Variants in C14orf39 observed in about 807,000 individuals in gnomAD.
C14orf39 encodes the protein chromosome 14 open reading frame 39, also known as protein SIX6OS1.
In C14orf39, 66 loss-of-function variants were observed where a neutral mutation model predicts 85.6. The observed-to-expected ratio is 0.77, with a 90% CI of 0.63 to 0.95. The LOEUF (loss-of-function observed/expected upper bound fraction) is 0.95. Among genes scored for constraint, C14orf39 ranks in the 40% least tolerant of loss-of-function variants. The pLI, the probability that C14orf39 is intolerant of heterozygous loss-of-function variation, is 0.00. For synonymous variants in C14orf39, 242 were observed against 214.0 expected (o/e 1.13, Z -1.14); for missense variants, 735 against 663.9 (o/e 1.11, Z -1.18).
At chr14:60,444,467 T>C (rs1890668906) in intron 16 of C14orf39, among the ~76,000 whole-genome samples, 1 of 151,996 alleles carries the variant, frequency 6.6e-6, no homozygotes, top group South Asian at 2.1e-4. Flanking sequence ...AAGATCAAAT[T>C]AATGAAATAA....
Position 60,455,590 on chromosome 14 carries a change from C to T in C14orf39, c.1359-445G>A, listed in dbSNP as rs183539459. Reference sequence around the variant, plus strand: ...AGTGTTGATGAGAAGCCAGCCATTACAGTGATGTATAAGGAAGTTAAATTA... The same window carrying T: ...AGTGTTGATGAGAAGCCAGCCATTATAGTGATGTATAAGGAAGTTAAATTA... On this transcript the variant is annotated intron_variant, in intron 15 of 17. Transcript: ENST00000321731. Among the ~76,000 whole-genome samples, 38 of 152,086 alleles carry T rather than the reference C, an allele frequency of 2.5e-4. 1 individual carries two copies. Among genetic ancestry groups the T allele is most frequent in the Admixed American group, 2.2e-3 (34 of 15,240 alleles).
intron 1 of C14orf39, among the ~76,000 whole-genome samples, chr14:60,504,499 A>C (rs1893181433): frequency 6.6e-6 from 1 of 152,254 alleles, no homozygotes. Flanking sequence ...GAAAATTGTC[A>C]AAAATAACCT....
chr14:60,461,529 G>A lies in C14orf39; in HGVS notation c.1037C>T (p.Ser346Leu). Residue 346 changes from serine to leucine, a missense_variant, in exon 12 of 18, where the codon TCA becomes TTA. Transcript: ENST00000321731. The stretch of plus-strand genomic sequence containing the variant: ...TTACCTGACTTGCATAAACTTTTGT[G>A]AACTTGTGATAGTCGTAATATGTGA... Reference protein sequence around the residue: ...KCSHITTITSSQKFMQVRLLT... With the variant: ...KCSHITTITSLQKFMQVRLLT... The A allele has an allele frequency of 6.3e-7, 1 of 1,591,888 alleles. No individual in the cohort carries two copies. Among genetic ancestry groups the A allele is most frequent in the South Asian group, 1.2e-5 (1 of 86,136 alleles).
At chr14:60,509,585 CA>C in intron 1 of C14orf39, 1 of 1,613,230 alleles carries the variant, frequency 6.2e-7, no homozygotes, top group Non-Finnish European at 8.5e-7. Flanking sequence ...CGTGGCCTTT[CA>C]CGGTGGCAAC....
intron 5 of C14orf39, among the ~76,000 whole-genome samples, chr14:60,473,654 T>C (rs1376787523): frequency 6.6e-6 from 1 of 152,212 alleles, no homozygotes; most frequent in Non-Finnish European, 1.5e-5. Flanking sequence ...ATTTATTAAA[T>C]AGGGAATCCT....
At chr14:60,459,017 T>C (rs1891402313) in intron 13 of C14orf39, among the ~76,000 whole-genome samples, 1 of 151,798 alleles carries the variant, frequency 6.6e-6, no homozygotes, top group Admixed American at 6.6e-5. Context: ...CATGTCTTGC[T>C]CCTCAGAGGT....
intron 17 of C14orf39, among the ~76,000 whole-genome samples, chr14:60,440,668 A>G (rs1890467560): frequency 6.6e-6 from 1 of 152,142 alleles, no homozygotes; most frequent in Non-Finnish European, 1.5e-5. Context: ...AAAACCTTCC[A>G]GAGGTTTCCC....
intron 16 of C14orf39, among the ~76,000 whole-genome samples, chr14:60,452,851 A>G (rs1891100601): frequency 6.6e-6 from 1 of 152,178 alleles, no homozygotes; most frequent in African/African-American, 2.4e-5. Context: ...TCTTTGATCT[A>G]TGGCCTACAT....
chr14:60,479,459 T>TG (rs1267337917), intron 4 of C14orf39, among the ~76,000 whole-genome samples: 1 of 152,188 alleles, frequency 6.6e-6, no homozygotes, highest in Non-Finnish European at 1.5e-5. Flanking sequence ...ACCTGGGTGA[T>TG]GGGATCAGTT....
chr14:60,499,776 A>G (rs1893113799), intron 1 of C14orf39, among the ~76,000 whole-genome samples: 1 of 152,244 alleles, frequency 6.6e-6, no homozygotes, highest in Admixed American at 6.5e-5. Context: ...GCAATACACG[A>G]CAAGAAAAAA....
At chr14:60,490,472 T>C (rs1049678577), upstream of C14orf39, among the ~76,000 whole-genome samples, 2 of 149,558 alleles carry the variant, frequency 1.3e-5, no homozygotes, top group Non-Finnish European at 3.0e-5. Flanking sequence ...AATAAATAAA[T>C]AAATAAATAA....
rs746977921 is a variant in C14orf39, at chr14:60,457,012, C to A, written c.1263G>T (p.Thr421=). Residue 421 remains threonine (T), a synonymous_variant, in exon 15 of 18, where the codon ACG becomes ACT. Coordinates refer to ENST00000321731, the MANE Select transcript of C14orf39 (RefSeq NM_174978.3). ...TTCCTAAAAATATAGGAATTTCAGACGTTCGTGGAAAATTCTCAGCTCTCT... is the reference window on the plus strand; with the variant it reads ...TTCCTAAAAATATAGGAATTTCAGAAGTTCGTGGAAAATTCTCAGCTCTCT... The part of the protein sequence containing the change: ...VEERAENFPR[T]SEIPIFLGTP... 1 of 1,610,832 alleles carries A rather than the reference C, an allele frequency of 6.2e-7. No individual in the cohort carries two copies. Among genetic ancestry groups the A allele is most frequent in the Non-Finnish European group, 8.5e-7 (1 of 1,178,318 alleles).
chr14:60,464,691 C>T (rs1351815269), intron 11 of C14orf39, among the ~76,000 whole-genome samples: 2 of 151,972 alleles, frequency 1.3e-5, no homozygotes, highest in Non-Finnish European at 2.9e-5. Context: ...TTGCATTTGC[C>T]TGATATATTT....
intron 11 of C14orf39, among the ~76,000 whole-genome samples, chr14:60,465,547 A>G (rs1168529621): frequency 6.6e-6 from 1 of 152,054 alleles, no homozygotes; most frequent in African/African-American, 2.4e-5. Flanking sequence ...ACTAACTACC[A>G]CTGAGGTAAC....
At position 60,457,036 on chromosome 14, in the gene C14orf39, C is replaced by G. The variant is rs142029317; in HGVS notation, c.1239G>C (p.Glu413Asp). The change falls in exon 15 of 18, where the codon GAG (glutamate) becomes GAC (aspartate). Residue 413 changes from glutamate to aspartate, a missense_variant. Physicochemically the swap from Glu to Asp is conservative, Grantham distance 45. Coordinates refer to ENST00000321731, the MANE Select transcript of C14orf39 (RefSeq NM_174978.3). ...SVENDSDEVE[E>D]RAENFPRTSE... ...ACGTTCGTGGAAAATTCTCAGCTCTCTCTTCTACTTCATCACTATCATTTT... is the reference window on the plus strand; with the variant it reads ...ACGTTCGTGGAAAATTCTCAGCTCTGTCTTCTACTTCATCACTATCATTTT... 3 of 1,610,134 alleles carry G rather than the reference C, an allele frequency of 1.9e-6. No homozygotes were observed. The highest frequency in any genetic ancestry group is 8.5e-7 in the Non-Finnish European group (1 of 1,177,838).
chr14:60,507,386 T>C (rs1197798904), intron 1 of C14orf39, among the ~76,000 whole-genome samples: 1 of 152,162 alleles, frequency 6.6e-6, no homozygotes, highest in East Asian at 1.9e-4. Flanking sequence ...AAGTTGTCCT[T>C]CCGGCTGATT....
chr14:60,488,682 G>A (rs1892940360), upstream of C14orf39, among the ~76,000 whole-genome samples: 1 of 152,198 alleles, frequency 6.6e-6, no homozygotes, highest in Non-Finnish European at 1.5e-5. Context: ...GGAAGCTTGT[G>A]TTTCCTACCT....
intron 2 of C14orf39, among the ~76,000 whole-genome samples, chr14:60,498,308 C>A (rs1186843187): frequency 6.6e-6 from 1 of 152,166 alleles, no homozygotes; most frequent in East Asian, 1.9e-4. Flanking sequence ...ACATAATTTC[C>A]AAACTCTAAT....
intron 13 of C14orf39, 115 bp downstream of exon 13, chr14:60,461,239 G>T: frequency 1.3e-6 from 1 of 770,194 alleles, no homozygotes; most frequent in Non-Finnish European, 2.1e-6. Flanking sequence ...AGCCAGGCGT[G>T]CATGGTCAGT....
Sources: gnomAD v4.1 joint callset for allele counts (sites outside exome capture counted in the v4.1 genomes callset) on GRCh38, gnomAD v4.1.1 for gene constraint, MANE v1.5 for transcripts, NCBI Gene and HGNC (gene_info 2026-07-23, HGNC 2026-07-21) for gene names.